Variants in ARB2A observed in about 807,000 individuals in gnomAD.
The protein encoded by ARB2A is ARB2 cotranscriptional regulator A.
the ARB2A span, among the ~76,000 whole-genome samples, chr5:93,900,041 C>T: frequency 6.6e-6 from 1 of 152,038 alleles, no homozygotes; most frequent in Non-Finnish European, 1.5e-5. Flanking sequence ...ATGACATATA[C>T]TTAGTGATTA....
the ARB2A span, among the ~76,000 whole-genome samples, chr5:93,887,845 TG>T: frequency 6.6e-6 from 1 of 151,958 alleles, no homozygotes; most frequent in African/African-American, 2.4e-5. Flanking sequence ...TTTGAATGTT[TG>T]CAGCTTTATC....
chr5:93,621,204 C>G, the ARB2A span: 24 of 1,393,900 alleles, frequency 1.7e-5, no homozygotes, highest in Non-Finnish European at 2.3e-5. Context: ...AGGGCCAGGC[C>G]GAGCCCCGGC....
the ARB2A span, among the ~76,000 whole-genome samples, chr5:94,024,936 A>G: frequency 6.6e-5 from 10 of 152,242 alleles, no homozygotes; most frequent in Non-Finnish European, 1.3e-4. Context: ...GGGAGGCAAG[A>G]GATGAAGCTG....
At chr5:93,829,185 A>C in the ARB2A span, among the ~76,000 whole-genome samples, 1 of 152,010 alleles carries the variant, frequency 6.6e-6, no homozygotes, top group Non-Finnish European at 1.5e-5. Context: ...TATATCTTTC[A>C]CCATTGCCCT....
chr5:93,662,583 C>T, the ARB2A span, among the ~76,000 whole-genome samples: 1 of 152,194 alleles, frequency 6.6e-6, no homozygotes, highest in Non-Finnish European at 1.5e-5. Flanking sequence ...CACCTACACA[C>T]CTGTCTTTAG....
chr5:93,815,280 T>C, the ARB2A span, among the ~76,000 whole-genome samples: 4 of 152,258 alleles, frequency 2.6e-5, no homozygotes, highest in Non-Finnish European at 4.4e-5. Context: ...ATGTAGGGGT[T>C]AAAAATCTCC....
At chr5:93,983,170 G>GGTGTGTGT in the ARB2A span, among the ~76,000 whole-genome samples, 23 of 125,530 alleles carry the variant, frequency 1.8e-4, no homozygotes, top group African/African-American at 6.9e-4. Flanking sequence ...GCTGTGGAGA[G>GGTGTGTGT]GTGTGTGTGT....
the ARB2A span, among the ~76,000 whole-genome samples, chr5:93,807,863 C>T: frequency 6.6e-6 from 1 of 151,910 alleles, no homozygotes; most frequent in Non-Finnish European, 1.5e-5. Flanking sequence ...GGCCTATACT[C>T]AAAAGAAACA....
At chr5:93,655,303 A>G in the ARB2A span, among the ~76,000 whole-genome samples, 1 of 152,198 alleles carries the variant, frequency 6.6e-6, no homozygotes, top group Non-Finnish European at 1.5e-5. Flanking sequence ...ATAAATGACC[A>G]TGTAAATATA....
the ARB2A span, among the ~76,000 whole-genome samples, chr5:93,981,386 G>A: frequency 1.3e-5 from 2 of 151,874 alleles, no homozygotes; most frequent in Admixed American, 1.3e-4. Flanking sequence ...TTATATTTAA[G>A]TCTCATTTCC....
At chr5:93,768,302 C>A in the ARB2A span, among the ~76,000 whole-genome samples, 778 of 151,268 alleles carry the variant, frequency 5.1e-3, 4 homozygotes, top group Non-Finnish European at 6.8e-3. Flanking sequence ...CACTAAAGAA[C>A]TTACTCATGT....
At chr5:93,803,976 A>G in the ARB2A span, among the ~76,000 whole-genome samples, 3 of 151,978 alleles carry the variant, frequency 2.0e-5, no homozygotes, top group African/African-American at 4.8e-5. Context: ...TATTATTCCT[A>G]CAAGGTCAAA....
chr5:93,762,341 C>T, the ARB2A span, among the ~76,000 whole-genome samples: 1 of 152,124 alleles, frequency 6.6e-6, no homozygotes, highest in East Asian at 1.9e-4. Context: ...ATAACCAATG[C>T]AGAGAAGTCC....
chr5:93,826,663 A>T, the ARB2A span, among the ~76,000 whole-genome samples: 1 of 151,930 alleles, frequency 6.6e-6, no homozygotes, highest in African/African-American at 2.4e-5. Context: ...GTTACATATG[A>T]ATACATGTGC....
chr5:93,687,965 C>T, the ARB2A span, among the ~76,000 whole-genome samples: 113 of 148,384 alleles, frequency 7.6e-4, no homozygotes, highest in Non-Finnish European at 1.4e-3. Flanking sequence ...TTTAACTTTT[C>T]TTTTCTATTC....
At chr5:93,850,426 A>G in the ARB2A span, among the ~76,000 whole-genome samples, 6 of 152,172 alleles carry the variant, frequency 3.9e-5, no homozygotes, top group Non-Finnish European at 8.8e-5. Flanking sequence ...AGGTATGTAC[A>G]GGGTGGAAGA....
At chr5:93,621,688 T>A in the ARB2A span, among the ~76,000 whole-genome samples, 1 of 152,250 alleles carries the variant, frequency 6.6e-6, no homozygotes, top group Non-Finnish European at 1.5e-5. Flanking sequence ...GGAATGATTT[T>A]TCTTGCGTCT....
chr5:93,842,962 C>A, the ARB2A span, among the ~76,000 whole-genome samples: 2 of 152,154 alleles, frequency 1.3e-5, no homozygotes, highest in East Asian at 1.9e-4. Flanking sequence ...TCACCACCAT[C>A]CCCCAAACCC....
the ARB2A span, among the ~76,000 whole-genome samples, chr5:93,711,193 A>AT: frequency 2.6e-3 from 357 of 138,250 alleles, 2 homozygotes; most frequent in East Asian, 5.1e-3. Flanking sequence ...AACTGGTTCT[A>AT]TTTTTTTTTT....
Sources: allele counts gnomAD v4.1 joint callset (sites outside exome capture counted in the v4.1 genomes callset), GRCh38; gene constraint gnomAD v4.1.1; transcripts MANE v1.5; gene names NCBI Gene and HGNC (gene_info 2026-07-23, HGNC 2026-07-21).